Variants in KIF26A observed in about 807,000 individuals in gnomAD.
KIF26A encodes kinesin family member 26A.
Under a neutral mutation model 126.0 loss-of-function variants are expected in KIF26A, and 74 were observed. That is an observed-to-expected ratio of 0.59 (90% CI 0.49 to 0.71). The LOEUF (loss-of-function observed/expected upper bound fraction) is 0.71. KIF26A is among the 30% of genes least tolerant of loss of function. The pLI is 0.00. For synonymous variants in KIF26A, 1,445 were observed against 1,232.7 expected, an observed-to-expected ratio of 1.17 and a Z score of -3.61; for missense variants, 2,984 against 2,763.3, an observed-to-expected ratio of 1.08 and a Z score of -1.79.
intron 4 of KIF26A, among the ~76,000 whole-genome samples, chr14:104,164,758 C>T (rs980366749): frequency 6.2e-5 from 8 of 128,568 alleles, no homozygotes; most frequent in South Asian, 2.5e-4. Context: ...TGTGTGTGTG[C>T]GCGTGTCTGT....
At chr14:104,179,156 G>C (rs1471390604) in intron 13 of KIF26A, 80 bp from the exon 14 acceptor site, 7 of 1,365,988 alleles carry the variant, frequency 5.1e-6, no homozygotes, top group Non-Finnish European at 6.6e-6. Context: ...GTGAAGGGAG[G>C]CGGGGGCCAC....
chr14:104,143,135 C>G (rs1455912505), intron 2 of KIF26A, among the ~76,000 whole-genome samples: 1 of 152,222 alleles, frequency 6.6e-6, no homozygotes, highest in African/African-American at 2.4e-5. Context: ...ATGATCAATT[C>G]TCATTTAGCT....
chr14:104,159,569 TGCCGC>T (rs2141102020), intron 4 of KIF26A, among the ~76,000 whole-genome samples: 1 of 152,308 alleles, frequency 6.6e-6, no homozygotes, highest in South Asian at 2.1e-4. Context: ...CCGAGGCCGG[TGCCGC>T]TTGCCAGCCG....
At chr14:104,177,970 G>A (rs1199547457) in intron 12 of KIF26A, 72 bp downstream of exon 12, 2 of 1,374,404 alleles carry the variant, frequency 1.5e-6, no homozygotes, top group African/African-American at 1.5e-5. Context: ...GCCCTCTACA[G>A]TTTACAGGGC....
intron 2 of KIF26A, among the ~76,000 whole-genome samples, chr14:104,140,250 G>A (rs945495151): frequency 2.6e-5 from 4 of 152,058 alleles, no homozygotes; most frequent in Non-Finnish European, 5.9e-5. Context: ...CTGGAGTCTC[G>A]GCGAGGGATA....
At chr14:104,168,187 G>A (rs1161598342) in intron 5 of KIF26A, among the ~76,000 whole-genome samples, 1 of 152,184 alleles carries the variant, frequency 6.6e-6, no homozygotes, top group African/African-American at 2.4e-5. Flanking sequence ...GAGCTCGGGA[G>A]GTGCCAGGCT....
intron 3 of KIF26A, among the ~76,000 whole-genome samples, chr14:104,157,332 T>G (rs1441584117): frequency 2.0e-5 from 3 of 152,188 alleles, no homozygotes; most frequent in Non-Finnish European, 4.4e-5. Context: ...CTTCTCTAAT[T>G]ACGCCGCTGG....
chr14:104,174,096 C>G (rs1221307162), intron 10 of KIF26A, 52 bp from the exon 11 acceptor site: 1 of 1,480,264 alleles, frequency 6.8e-7, no homozygotes, highest in Non-Finnish European at 9.0e-7. Flanking sequence ...GCCAGCCTGT[C>G]CCCGAAGCTC....
rs528497378 is a variant in KIF26A, at chr14:104,151,519, A to G, written c.289-496A>G. On this transcript the variant is annotated intron_variant, in intron 2 of 14. Transcript: ENST00000423312. The surrounding 1 kb of genome is among the most constrained non-coding windows in gnomAD (Gnocchi z 4.9). ...CTTCTGTTGACACCTTTACAGCAGC[A>G]CTGATTTGATTTTCCACCTGCCCCA... is the stretch of plus-strand genomic sequence containing the variant. Among the ~76,000 whole-genome samples, 10 of 152,308 alleles carry G rather than the reference A, an allele frequency of 6.6e-5. No homozygotes were observed. Among genetic ancestry groups the G allele is most frequent in the Admixed American group, 5.9e-4 (9 of 15,302 alleles).
Position 104,152,539 on chromosome 14 carries a change from G to A in KIF26A, c.735+78G>A, listed in dbSNP as rs553686924. The A allele has an allele frequency of 9.9e-5, 135 of 1,369,824 alleles. No homozygotes were observed. The highest frequency in any genetic ancestry group is 1.0e-4 in the South Asian group (7 of 67,668). 84.9% of individuals were successfully genotyped at this position (1,369,824 alleles called of 1,614,324 possible). A position where few individuals can be genotyped will look rare whatever the true frequency, so the allele number is the denominator to read the frequency against. On this transcript the variant is annotated intron_variant, in intron 3 of 14. Transcript: ENST00000423312. This position sits in a 1 kb window ranked among gnomAD's most constrained non-coding sequence, Gnocchi z 5.9. ...GCTTCCTTCGGGGGTCTCTGTCCACGTTGAGTGCCCTGCAGTAAGGCTTCC... is the reference window on the plus strand; with the variant it reads ...GCTTCCTTCGGGGGTCTCTGTCCACATTGAGTGCCCTGCAGTAAGGCTTCC...
chr14:104,151,579 T>C lies in KIF26A; in HGVS notation c.289-436T>C, dbSNP rs1438960523. Among the ~76,000 whole-genome samples the C allele has an allele frequency of 1.3e-5, 2 of 152,096 alleles. No individual in the cohort carries two copies. Among genetic ancestry groups the C allele is most frequent in the Non-Finnish European group, 2.9e-5 (2 of 68,002 alleles). The stretch of plus-strand genomic sequence containing the variant: ...GAGACCTGAAGAGGAAGGGAGAGGG[T>C]CTCCTGCCCCTGGCTCTGCCTTGAG... On this transcript the variant is annotated intron_variant, in intron 2 of 14. Coordinates refer to ENST00000423312, the MANE Select transcript of KIF26A (RefSeq NM_015656.2). The surrounding 1 kb of genome is among the most constrained non-coding windows in gnomAD (Gnocchi z 4.9).
chr14:104,166,508 C>T (rs914532318), intron 4 of KIF26A, among the ~76,000 whole-genome samples: 7 of 152,118 alleles, frequency 4.6e-5, no homozygotes, highest in East Asian at 3.9e-4. Flanking sequence ...TTTCACTGTC[C>T]GACCCCCGGC....
In KIF26A at chr14:104,171,763, A is replaced by G; in HGVS notation, c.1154A>G (p.Gln385Arg). The G allele has an allele frequency of 6.3e-7, 1 of 1,580,920 alleles. No homozygotes were observed. Among genetic ancestry groups the G allele is most frequent in the Non-Finnish European group, 8.6e-7 (1 of 1,164,634 alleles). The change falls in exon 6 of 15, where the codon CAG becomes CGG. Residue 385 changes from glutamine (Q) to arginine (R), a missense_variant. By Grantham distance (43) the Gln-to-Arg change is conservative. Transcript: ENST00000423312. Reference sequence around the variant, plus strand: ...CGGATCTGGCCCGCACAGGGGGCCCAGCGCTCGGCCGAGGCCATGTCCTTC... The same window carrying G: ...CGGATCTGGCCCGCACAGGGGGCCCGGCGCTCGGCCGAGGCCATGTCCTTC... ...MLRIWPAQGA[Q>R]RSAEAMSFLK... is the part of the protein sequence containing the mutation.
rs750322341 is a variant in KIF26A, at chr14:104,175,803, C to T, written c.3015C>T (p.Gly1005=). ...CCACCTGCCCCCGCCTGGCTGCTGG[C>T]AGTCGCTGTCCGGAGCGGGGCCTGC... is the stretch of plus-strand genomic sequence containing the variant. ...PGATCPRLAA[G]SRCPERGLLT... is the part of the protein sequence containing the mutation. Residue 1005 remains glycine, a synonymous_variant, in exon 12 of 15, where the codon GGC becomes GGT. Coordinates refer to ENST00000423312, the MANE Select transcript of KIF26A (RefSeq NM_015656.2). The T allele has an allele frequency of 8.1e-5, 125 of 1,539,310 alleles. No individual in the cohort carries two copies. Among genetic ancestry groups the T allele is most frequent in the Non-Finnish European group, 8.6e-5 (99 of 1,146,858 alleles).
chr14:104,175,974 C>T lies in KIF26A; in HGVS notation c.3186C>T (p.Ser1062=), dbSNP rs1373394062. 6 of 1,575,182 alleles carry T rather than the reference C, an allele frequency of 3.8e-6. No individual in the cohort carries two copies. The highest frequency in any genetic ancestry group is 1.1e-5 in the South Asian group (1 of 87,122). The change falls in exon 12 of 15, where the codon TCC becomes TCT. Residue 1062 remains serine (S), a synonymous_variant. Transcript: ENST00000423312. ...TSLASFDSDC[S]LRALASGSRP... The stretch of plus-strand genomic sequence containing the variant: ...TGGCTAGCTTCGACAGTGACTGCTC[C>T]CTGCGGGCCCTGGCCTCGGGGTCCC...
At chr14:104,145,105 T>C (rs535163208) in intron 2 of KIF26A, among the ~76,000 whole-genome samples, 1 of 152,338 alleles carries the variant, frequency 6.6e-6, no homozygotes, top group African/African-American at 2.4e-5. Context: ...CAGGGCAGGC[T>C]CTGGAGGCTG....
rs762965983 is a variant in KIF26A at position 104,176,116 on chromosome 14, A to G, written c.3328A>G (p.Ile1110Val). 1.4e-5 allele frequency: 22 copies of G among 1,582,818 alleles called. No homozygotes were observed. Among genetic ancestry groups the G allele is most frequent in the Non-Finnish European group, 1.9e-5 (22 of 1,165,444 alleles). ...AWAGSSHGSS[I>V]SSWLSEVSVC... ...GGCCGGCAGCAGTCACGGCTCCTCC[A>G]TCAGCTCCTGGCTCAGCGAGGTCAG... The change falls in exon 12 of 15, where the codon ATC becomes GTC. Residue 1110 changes from isoleucine (I) to valine (V), a missense_variant. Coordinates refer to ENST00000423312, the MANE Select transcript of KIF26A (RefSeq NM_015656.2).
intron 14 of KIF26A, 93 bp downstream of exon 14, chr14:104,179,479 CGTG>C (rs1258120416): frequency 1.4e-6 from 2 of 1,426,334 alleles, no homozygotes; most frequent in African/African-American, 1.4e-5. Context: ...TCCTGTACCT[CGTG>C]GTGGGAAGGC....
intron 2 of KIF26A, among the ~76,000 whole-genome samples, chr14:104,150,759 G>A (rs2037721957): frequency 6.6e-6 from 1 of 152,234 alleles, no homozygotes; most frequent in African/African-American, 2.4e-5. Flanking sequence ...GCCAGCCATC[G>A]AGCCAGGGAC....
Sources: gnomAD v4.1 joint callset for allele counts (sites outside exome capture counted in the v4.1 genomes callset) on GRCh38, gnomAD v4.1.1 for gene constraint, Gnocchi (gnomAD v3.1) non-coding constraint, MANE v1.5 for transcripts, NCBI Gene and HGNC (gene_info 2026-07-23, HGNC 2026-07-21) for gene names.